COL12A1: variants seen among roughly 807,000 people sequenced by gnomAD.
The protein encoded by COL12A1 is collagen type XII alpha 1 chain.
Under a neutral mutation model 349.7 loss-of-function variants are expected in COL12A1, and 114 were observed. The ratio of observed to expected loss-of-function variants is 0.33; its 90% confidence interval spans 0.28 to 0.38. The LOEUF is 0.38. Among genes scored for constraint, COL12A1 ranks in the 10% least tolerant of loss-of-function variants. The probability of loss-of-function intolerance (pLI) is 1.00; values close to 1 mark genes in which losing one functional copy is unlikely to be tolerated. For missense variants in COL12A1, 3,284 were observed against 3,756.9 expected, an observed-to-expected ratio of 0.87 and a Z score of 3.29; for synonymous variants, 1,369 against 1,329.0, an observed-to-expected ratio of 1.03 and a Z score of -0.66.
At position 75,133,396 on chromosome 6, in the gene COL12A1, A is replaced by G. The variant is rs761087251; in HGVS notation, c.5691T>C (p.Tyr1897=). The G allele has an allele frequency of 6.2e-7, 1 of 1,612,510 alleles. No homozygotes were observed. The highest frequency in any genetic ancestry group is 1.1e-5 in the South Asian group (1 of 90,528). ...ELVPIPGNTN[Y]AILRNLQPDT... The stretch of plus-strand genomic sequence containing the variant: ...CTGGCTGCAGATTCCTAAGAATGGC[A>G]TAATTGGTATTCCCGGGGATTGGTA... The change falls in exon 34 of 66, where the codon TAT becomes TAC. Residue 1897 remains tyrosine, a synonymous_variant. Transcript: ENST00000322507.
intron 17 of COL12A1, among the ~76,000 whole-genome samples, 164 bp downstream of exon 17, chr6:75,154,252 T>A (rs913547719): frequency 6.6e-6 from 1 of 152,082 alleles, no homozygotes; most frequent in Non-Finnish European, 1.5e-5. Context: ...AAAGCATGCT[T>A]GACTGGATGT....
chr6:75,086,669 T>G (rs1338393003), intron 65 of COL12A1, 112 bp from the exon 66 acceptor site: 3 of 384,178 alleles, frequency 7.8e-6, no homozygotes. Flanking sequence ...TATATATATA[T>G]ATATCCATAT....
At chr6:75,198,566 T>G (rs7762653) in intron 2 of COL12A1, among the ~76,000 whole-genome samples, 1,581 of 152,132 alleles carry the variant, frequency 0.01, 10 homozygotes, top group Non-Finnish European at 0.016. Context: ...TAGATGAAAT[T>G]TGGTATATTA....
At chr6:75,187,180 A>G (rs1289404815) in intron 8 of COL12A1, among the ~76,000 whole-genome samples, 2 of 149,624 alleles carry the variant, frequency 1.3e-5, no homozygotes, top group Non-Finnish European at 3.0e-5. Flanking sequence ...ATATATATTT[A>G]AAATGATGTT....
chr6:75,180,770 T>C (rs1769225637), intron 11 of COL12A1, among the ~76,000 whole-genome samples, 169 bp downstream of exon 11: 1 of 152,192 alleles, frequency 6.6e-6, no homozygotes, highest in Non-Finnish European at 1.5e-5. Context: ...TTAAAAGTTA[T>C]TTTTCTCTTT....
At chr6:75,154,980 C>T (rs377236340) in intron 16 of COL12A1, among the ~76,000 whole-genome samples, 75 of 152,292 alleles carry the variant, frequency 4.9e-4, no homozygotes, top group African/African-American at 1.7e-3. Context: ...AAATTTTATA[C>T]TCCCTACTCT....
At chr6:75,202,408 C>T (rs1024340161) in intron 2 of COL12A1, among the ~76,000 whole-genome samples, 1 of 152,232 alleles carries the variant, frequency 6.6e-6, no homozygotes, top group Non-Finnish European at 1.5e-5. Flanking sequence ...CCGTCGCCCC[C>T]TCTCGGGCGG....
chr6:75,165,558 T>C lies in COL12A1; in HGVS notation c.2932A>G (p.Thr978Ala), dbSNP rs1178537000. 1 of 1,613,964 alleles carries C rather than the reference T, an allele frequency of 6.2e-7. No individual in the cohort carries two copies. Among genetic ancestry groups the C allele is most frequent in the East Asian group, 2.2e-5 (1 of 44,872 alleles). The change falls in exon 14 of 66, where the codon ACT (threonine) becomes GCT (alanine). Residue 978 changes from threonine to alanine, a missense_variant. Thr to Ala is a moderately conservative substitution (Grantham distance 58, BLOSUM62 0). Coordinates refer to ENST00000322507, the MANE Select transcript of COL12A1 (RefSeq NM_004370.6). ...GGTTCTCCTTCTCCACTGCTGTAAG[T>C]GGCAAATACTGAAATTCTGTATTTG... ...ETKYRISVFA[T>A]YSSGEGEPLT... is the part of the protein sequence containing the mutation.
intron 12 of COL12A1, among the ~76,000 whole-genome samples, chr6:75,176,474 G>T (rs549765323): frequency 1.3e-5 from 2 of 151,582 alleles, no homozygotes; most frequent in East Asian, 2.0e-4. Flanking sequence ...ATGACGCAGT[G>T]GGGGAGGAGG....
Position 75,151,769 on chromosome 6 carries a change from G to GT in COL12A1, c.4000+97dup, listed in dbSNP as rs148067907. On this transcript the variant is annotated intron_variant, in intron 20 of 65. Transcript: ENST00000322507. Reference sequence around the variant, plus strand: ...TAAATTATGTGATAGAAAAAAATGGGTATTTTTTTTCATGCTTCAGATAAA... The same window carrying GT: ...TAAATTATGTGATAGAAAAAAATGGGTTATTTTTTTTCATGCTTCAGATAAA... 5.9e-3 allele frequency: 7,249 copies of GT among 1,234,474 alleles called. 164 individuals are homozygous for GT. In the African/African-American group the frequency reaches 0.074, roughly 13 times the overall value. 76.5% of individuals were successfully genotyped at this position (1,234,474 alleles called of 1,614,324 possible).
chr6:75,103,595 A>C (rs1768406272), intron 55 of COL12A1, among the ~76,000 whole-genome samples, 162 bp downstream of exon 55: 1 of 152,182 alleles, frequency 6.6e-6, no homozygotes, highest in East Asian at 1.9e-4. Context: ...AGTCTAATCC[A>C]TCATTATGAC....
intron 31 of COL12A1, among the ~76,000 whole-genome samples, chr6:75,135,449 C>T (rs577945781): frequency 6.6e-6 from 1 of 152,220 alleles, no homozygotes; most frequent in African/African-American, 2.4e-5. Context: ...ATACCAGCCC[C>T]GTGGTATGAA....
intron 28 of COL12A1, 116 bp from the exon 29 acceptor site, chr6:75,138,696 C>G: frequency 6.5e-7 from 1 of 1,548,180 alleles, no homozygotes; most frequent in Non-Finnish European, 8.8e-7. Context: ...TGCTCTGATG[C>G]ATGTCATGAG....
chr6:75,088,090 G>A (rs907147840), intron 64 of COL12A1, among the ~76,000 whole-genome samples: 3 of 152,126 alleles, frequency 2.0e-5, no homozygotes, highest in East Asian at 1.9e-4. Context: ...CAGCTACATT[G>A]AGCTGCCATC....
intron 51 of COL12A1, among the ~76,000 whole-genome samples, chr6:75,109,489 G>A (rs1016644202): frequency 1.2e-4 from 19 of 152,080 alleles, no homozygotes; most frequent in Non-Finnish European, 2.5e-4. Flanking sequence ...AAGCTATAAA[G>A]AGCTACCCAA....
In COL12A1 at chr6:75,183,906, G is replaced by A; in HGVS notation, c.1236C>T (p.Ser412=). ...ISVSAMKGMT[S]SEPISIMEKT... ...TCTCCATTATTGAAATGGGTTCACT[G>A]GATGTCATTCCCTTCATGGCGGAAA... is the stretch of plus-strand genomic sequence containing the variant. Residue 412 remains serine, a synonymous_variant, in exon 9 of 66, where the codon TCC becomes TCT. Transcript: ENST00000322507. 2 of 1,614,162 alleles carry A rather than the reference G, an allele frequency of 1.2e-6. No individual in the cohort carries two copies. Among genetic ancestry groups the A allele is most frequent in the Non-Finnish European group, 1.7e-6 (2 of 1,180,034 alleles).
intron 50 of COL12A1, 139 bp downstream of exon 50, chr6:75,113,461 GTT>G: frequency 1.1e-5 from 10 of 922,950 alleles, no homozygotes; most frequent in Non-Finnish European, 1.5e-5. Context: ...TTACTGATGT[GTT>G]ATACTTGGAA....
At chr6:75,149,331 C>T (rs1405477544) in intron 21 of COL12A1, among the ~76,000 whole-genome samples, 2 of 152,010 alleles carry the variant, frequency 1.3e-5, no homozygotes, top group South Asian at 4.1e-4. Flanking sequence ...TGTCTTCTCT[C>T]CTTAACTAAA....
At chr6:75,104,943 A>C (rs933554954) in intron 54 of COL12A1, among the ~76,000 whole-genome samples, 6 of 152,176 alleles carry the variant, frequency 3.9e-5, no homozygotes, top group African/African-American at 9.7e-5. Flanking sequence ...TCATATCTTT[A>C]AGAAAAAATC....
Sources: gnomAD v4.1 joint callset for allele counts (sites outside exome capture counted in the v4.1 genomes callset) on GRCh38, gnomAD v4.1.1 for gene constraint, MANE v1.5 for transcripts, NCBI Gene and HGNC (gene_info 2026-07-23, HGNC 2026-07-21) for gene names.